Variants in TEKT4 observed in about 807,000 individuals in gnomAD.
The protein encoded by TEKT4 is tektin-4.
In TEKT4, 46 loss-of-function variants were observed where a neutral mutation model predicts 46.0. The observed-to-expected ratio is 1.00, with a 90% CI of 0.79 to 1.28. The LOEUF is 1.28. Ranked by LOEUF, TEKT4 falls within the 50% of genes most tolerant of loss-of-function variation. TEKT4 has a pLI of 0.00. For missense variants in TEKT4, 790 were observed against 622.9 expected (o/e 1.27, Z -2.85); for synonymous variants, 325 against 265.8 (o/e 1.22, Z -2.17).
intron 4 of TEKT4, 72 bp from the exon 5 acceptor site, chr2:94,875,516 C>A: frequency 1.9e-6 from 3 of 1,592,570 alleles, no homozygotes; most frequent in East Asian, 2.2e-5. Flanking sequence ...CTGGGTAGGA[C>A]CAGCCTGGTC....
At chr2:94,872,868 A>G in intron 1 of TEKT4, 1 of 1,289,288 alleles carries the variant, frequency 7.8e-7, no homozygotes, top group Non-Finnish European at 1.0e-6. Context: ...CAGCTCCCGC[A>G]AACTCTCTGC....
rs782010476 is a variant in TEKT4 at position 94,871,571 on chromosome 2, G to A, written c.-9G>A. ...CTCACTCCCCTGGCCCTGGTGGGCG[G>A]CAGGCACCATGGCGCAGACAGTGCC... On this transcript the variant is annotated 5_prime_UTR_variant, in exon 1 of 6. Transcript: ENST00000295201. 2 of 1,589,506 alleles carry A rather than the reference G, an allele frequency of 1.3e-6. No homozygotes were observed. The highest frequency in any genetic ancestry group is 2.3e-5 in the South Asian group (2 of 87,678).
Position 94,872,011 on chromosome 2 carries a change from G to T in TEKT4, c.432G>T (p.Leu144=), listed in dbSNP as rs1553394749. 2 of 1,589,424 alleles carry T rather than the reference G, an allele frequency of 1.3e-6. No individual in the cohort carries two copies. The highest frequency in any genetic ancestry group is 2.3e-5 in the East Asian group (1 of 43,682). The part of the protein sequence containing the change: ...EVPFSITTDN[L]QCRERREHPN... Reference sequence around the variant, plus strand: ...CCTTCTCCATCACCACTGACAACCTGCAGTGCCGTGAGCGCCGCGAGCACC... The same window carrying T: ...CCTTCTCCATCACCACTGACAACCTTCAGTGCCGTGAGCGCCGCGAGCACC... Residue 144 remains leucine, a synonymous_variant, in exon 1 of 6, where the codon CTG becomes CTT. Coordinates refer to ENST00000295201, the MANE Select transcript of TEKT4 (RefSeq NM_144705.4).
At chr2:94,873,837 G>A in intron 2 of TEKT4, 128 bp from the exon 3 acceptor site, 1 of 1,370,864 alleles carries the variant, frequency 7.3e-7, no homozygotes, top group South Asian at 1.4e-5. Flanking sequence ...GAGCACGAGG[G>A]CTGCCCGGGA....
rs782025240 is a variant in TEKT4 at position 94,871,859 on chromosome 2, C to T, written c.280C>T (p.Arg94Ter). 5.6e-5 allele frequency: 89 copies of T among 1,602,568 alleles called. No homozygotes were observed. Among genetic ancestry groups the T allele is most frequent in the East Asian group, 3.8e-4 (17 of 44,706 alleles). ...AGACTCCACGCGCACAGTGGGCGAG[C>T]GACTGCAGGACACGCACAGCTGGAA... ...QQDSTRTVGERLQDTHSWKSE... is the reference protein window; with the variant it reads ...QQDSTRTVGE Residue 94 changes from arginine to a stop codon, truncating the protein, a stop_gained, in exon 1 of 6, where the codon CGA (arginine) becomes TGA (stop). Coordinates refer to ENST00000295201, the MANE Select transcript of TEKT4 (RefSeq NM_144705.4). LOFTEE classifies it high-confidence loss of function.
intron 1 of TEKT4, 65 bp downstream of exon 1, chr2:94,872,142 T>C (rs1680605365): frequency 1.4e-6 from 2 of 1,407,212 alleles, no homozygotes; most frequent in Non-Finnish European, 1.9e-6. Flanking sequence ...CCCCCCGCAG[T>C]TCATGTGGAC....
At chr2:94,874,692 C>T (rs546981419) in intron 3 of TEKT4, 84 bp from the exon 4 acceptor site, 92 of 1,254,812 alleles carry the variant, frequency 7.3e-5, no homozygotes, top group African/African-American at 3.7e-4. Flanking sequence ...GCATGGGGCG[C>T]GGACAGGGCA....
chr2:94,871,922 G>A lies in TEKT4; in HGVS notation c.343G>A (p.Glu115Lys). The A allele has an allele frequency of 6.3e-7, 1 of 1,598,872 alleles. No individual in the cohort carries two copies. Among genetic ancestry groups the A allele is most frequent in the Non-Finnish European group, 8.5e-7 (1 of 1,177,208 alleles). Reference sequence around the variant, plus strand: ...GCGTGAGATGGAGGCGCTGGCTGCGGAGACCAACTTGCTCCTGGCCCAGAA... The same window carrying A: ...GCGTGAGATGGAGGCGCTGGCTGCGAAGACCAACTTGCTCCTGGCCCAGAA... Reference protein sequence around the residue: ...LQREMEALAAETNLLLAQKQR... With the variant: ...LQREMEALAAKTNLLLAQKQR... Residue 115 changes from glutamate (E) to lysine (K), a missense_variant, in exon 1 of 6, where the codon GAG (glutamate) becomes AAG (lysine). Coordinates refer to ENST00000295201, the MANE Select transcript of TEKT4 (RefSeq NM_144705.4).
chr2:94,872,116 G>T, intron 1 of TEKT4, 39 bp downstream of exon 1: 2 of 1,481,874 alleles, frequency 1.3e-6, no homozygotes, highest in Non-Finnish European at 1.8e-6. Flanking sequence ...TGTGGGCGCA[G>T]AGAGGAGGAG....
rs112976342 is a variant in TEKT4, at chr2:94,872,952, C to T, written c.499-568C>T. The T allele has an allele frequency of 2.5e-5, 32 of 1,289,440 alleles. 1 individual carries two copies. In the East Asian group the frequency reaches 8.3e-4, roughly 34 times the overall value. 79.9% of individuals were successfully genotyped at this position (1,289,440 alleles called of 1,614,324 possible). On this transcript the variant is annotated intron_variant, in intron 1 of 5. Coordinates refer to ENST00000295201, the MANE Select transcript of TEKT4 (RefSeq NM_144705.4). ...AGAGGCAAACCCAGGGATAGAGGGG[C>T]GCAGGACCCGGGCCCTGGCACACAA...
rs189486507 is a variant in TEKT4 at position 94,876,633 on chromosome 2, G to A, written c.1172G>A (p.Arg391His). ...EKLLEAEQSL[R>H]NLEDIHMSLE... The stretch of plus-strand genomic sequence containing the variant: ...CTTCTAGAAGCGGAGCAGTCCCTGC[G>A]CAACCTCGAGGACATCCACATGAGC... The change falls in exon 6 of 6, where the codon CGC becomes CAC. Residue 391 changes from arginine (R) to histidine (H), a missense_variant. By Grantham distance (29) the Arg-to-His change is conservative. Coordinates refer to ENST00000295201, the MANE Select transcript of TEKT4 (RefSeq NM_144705.4). 52 of 1,612,998 alleles carry A rather than the reference G, an allele frequency of 3.2e-5. No homozygotes were observed. Among genetic ancestry groups the A allele is most frequent in the Admixed American group, 2.2e-4 (13 of 59,994 alleles).
In TEKT4 at chr2:94,874,716, G is replaced by A. The variant is rs1234137012; in HGVS notation, c.714-60G>A. ...GCGGACAGGGCATGGGGGCGCAGCA[G>A]GGCTCCCAGCCTTCGGCAGAGCCTC... On this transcript the variant is annotated intron_variant, in intron 3 of 5. Coordinates refer to ENST00000295201, the MANE Select transcript of TEKT4 (RefSeq NM_144705.4). 56 of 1,443,466 alleles carry A rather than the reference G, an allele frequency of 3.9e-5. No individual in the cohort carries two copies. In the Admixed American group the frequency reaches 5.9e-4, roughly 15 times the overall value. The allele number at this position is 1,443,466 out of a possible 1,614,324, so 89.4% of individuals were successfully genotyped here.
chr2:94,874,388 T>A (rs1221558246), intron 3 of TEKT4, among the ~76,000 whole-genome samples: 6 of 151,706 alleles, frequency 4.0e-5, no homozygotes, highest in Non-Finnish European at 8.8e-5. Context: ...AGAGGGAGCC[T>A]GACCACCGCC....
chr2:94,871,798 C>T lies in TEKT4; in HGVS notation c.219C>T (p.Ala73=), dbSNP rs782412594. The change falls in exon 1 of 6, where the codon GCC becomes GCT. Residue 73 remains alanine, a synonymous_variant. Coordinates refer to ENST00000295201, the MANE Select transcript of TEKT4 (RefSeq NM_144705.4). ...AGCGGCACGAGAGCCAGCAGCTGGC[C>T]ACAGAGACCCAGGCGCTGGCGCAGC... The part of the protein sequence containing the change: ...ERQRHESQQL[A]TETQALAQRT... The T allele has an allele frequency of 1.2e-6, 2 of 1,610,732 alleles. No individual in the cohort carries two copies. Among genetic ancestry groups the T allele is most frequent in the Non-Finnish European group, 8.5e-7 (1 of 1,178,808 alleles).
rs782176752 is a variant in TEKT4 at position 94,874,789 on chromosome 2, G to A, written c.727G>A (p.Glu243Lys). ...TTFQESASTP[E>K]TRAKFTQDNL... ...CCCGCCCCGCAGCGCCTCCACCCCG[G>A]AGACCCGGGCCAAGTTCACGCAGGA... Residue 243 changes from glutamate (E) to lysine (K), a missense_variant, in exon 4 of 6, where the codon GAG (glutamate) becomes AAG (lysine). By Grantham distance (56) the Glu-to-Lys change is moderately conservative. Coordinates refer to ENST00000295201, the MANE Select transcript of TEKT4 (RefSeq NM_144705.4). 2 of 1,584,724 alleles carry A rather than the reference G, an allele frequency of 1.3e-6. No individual in the cohort carries two copies. Among genetic ancestry groups the A allele is most frequent in the African/African-American group, 1.3e-5 (1 of 74,408 alleles).
Position 94,876,717 on chromosome 2 carries a change from T to G in TEKT4, c.1256T>G (p.Met419Arg). ...CTCTTCATCGACCGCCAGAAGTGCATGGCCCATCGTACTCGCTACCCCACC... is the reference window on the plus strand; with the variant it reads ...CTCTTCATCGACCGCCAGAAGTGCAGGGCCCATCGTACTCGCTACCCCACC... The part of the protein sequence containing the change: ...NSLFIDRQKC[M>R]AHRTRYPTIL... The change falls in exon 6 of 6, where the codon ATG (methionine) becomes AGG (arginine). Residue 419 changes from methionine to arginine, a missense_variant. Met to Arg is a moderately conservative substitution (Grantham distance 91). Transcript: ENST00000295201. 6.2e-7 allele frequency: 1 copy of G among 1,611,990 alleles called. No individual in the cohort carries two copies. Among genetic ancestry groups the G allele is most frequent in the Non-Finnish European group, 8.5e-7 (1 of 1,180,002 alleles).
rs371414644 is a variant in TEKT4 at position 94,874,679 on chromosome 2, G to C, written c.714-97G>C. The C allele has an allele frequency of 5.3e-6, 6 of 1,137,620 alleles. No individual in the cohort carries two copies. In the South Asian group the frequency reaches 7.9e-5, roughly 15 times the overall value. 70.5% of individuals were successfully genotyped at this position (1,137,620 alleles called of 1,614,324 possible). On this transcript the variant is annotated intron_variant, in intron 3 of 5. Coordinates refer to ENST00000295201, the MANE Select transcript of TEKT4 (RefSeq NM_144705.4). Reference sequence around the variant, plus strand: ...CATCGGAGTCCATGCACGTCCTCCAGGAGCATGGGGCGCGGACAGGGCATG... The same window carrying C: ...CATCGGAGTCCATGCACGTCCTCCACGAGCATGGGGCGCGGACAGGGCATG...
chr2:94,875,741 A>G lies in TEKT4; in HGVS notation c.1090A>G (p.Arg364Gly). Reference sequence around the variant, plus strand: ...GCTGTGCCGTGACGCAGCCCAGTTCAGGTGCTGCCTGGGCCTCTGAGGCAG... The same window carrying G: ...GCTGTGCCGTGACGCAGCCCAGTTCGGGTGCTGCCTGGGCCTCTGAGGCAG... ...MELCRDAAQF[R>G]LLSEVEELNM... is the part of the protein sequence containing the mutation. The change falls in exon 5 of 6, where the codon AGG (arginine) becomes GGG (glycine). Residue 364 changes from arginine to glycine, a missense_variant and splice_region_variant. Arg to Gly is a moderately radical substitution (Grantham distance 125). Coordinates refer to ENST00000295201, the MANE Select transcript of TEKT4 (RefSeq NM_144705.4). The G allele has an allele frequency of 6.2e-7, 1 of 1,613,422 alleles. No homozygotes were observed. The highest frequency in any genetic ancestry group is 8.5e-7 in the Non-Finnish European group (1 of 1,179,616).
chr2:94,875,867 C>T (rs1573190809), intron 5 of TEKT4, 125 bp downstream of exon 5: 6 of 959,782 alleles, frequency 6.3e-6, no homozygotes, highest in Non-Finnish European at 7.8e-6. Context: ...GGGAGGGAGA[C>T]TTTGGGGCCA....
Sources: allele counts gnomAD v4.1 joint callset (sites outside exome capture counted in the v4.1 genomes callset), GRCh38; gene constraint gnomAD v4.1.1; transcripts MANE v1.5; gene names NCBI Gene and HGNC (gene_info 2026-07-23, HGNC 2026-07-21).